The following LRP2 variants were observed in gnomAD, a reference collection of about 807,000 sequenced individuals.
LRP2 encodes the protein low-density lipoprotein receptor-related protein 2.
In LRP2, 172 loss-of-function variants were observed where a neutral mutation model predicts 531.0. That is an observed-to-expected ratio of 0.32 (90% CI 0.29 to 0.37). The LOEUF (loss-of-function observed/expected upper bound fraction) is 0.37. LRP2 is among the 10% of genes least tolerant of loss of function. The pLI is 1.00. For synonymous variants in LRP2, 1,992 were observed against 2,027.6 expected (o/e 0.98, Z 0.47); for missense variants, 5,167 against 5,868.3 (o/e 0.88, Z 3.90).
chr2:169,146,085 G>T (rs773811500), intron 69 of LRP2, among the ~76,000 whole-genome samples, 162 bp from the exon 70 acceptor site: 15 of 152,086 alleles, frequency 9.9e-5, no homozygotes, highest in Admixed American at 2.6e-4. Context: ...AGCTACATGG[G>T]ACTGTGAAAG....
Position 169,139,995 on chromosome 2 carries a change from G to T in LRP2, c.13200-385C>A, listed in dbSNP as rs112021349. ...TATCTTGCTCCATGTTAGAGTTTTC[G>T]CAACACAGTCATCTTCTTTCCGAAT... is the stretch of plus-strand genomic sequence containing the variant. On this transcript the variant is annotated intron_variant, in intron 72 of 78. Coordinates refer to ENST00000649046, the MANE Select transcript of LRP2 (RefSeq NM_004525.3). Among the ~76,000 whole-genome samples, 112 of 152,212 alleles carry T rather than the reference G, an allele frequency of 7.4e-4. 1 individual carries two copies. The highest frequency in any genetic ancestry group is 2.1e-3 in the African/African-American group (86 of 41,538).
At chr2:169,293,447 G>A (rs1031994162) in intron 6 of LRP2, among the ~76,000 whole-genome samples, 3 of 152,090 alleles carry the variant, frequency 2.0e-5, no homozygotes, top group African/African-American at 4.8e-5. Context: ...AGGCCGAGGC[G>A]GGCGGATCAC....
intron 2 of LRP2, among the ~76,000 whole-genome samples, chr2:169,320,380 C>G (rs183411743): frequency 1.0e-3 from 156 of 152,308 alleles, no homozygotes; most frequent in African/African-American, 3.5e-3. Flanking sequence ...ATGGACTCCT[C>G]TTTGACTTAC....
chr2:169,280,592 T>C (rs1191060130), intron 10 of LRP2, 73 bp from the exon 11 acceptor site: 1 of 1,426,140 alleles, frequency 7.0e-7, no homozygotes, highest in Non-Finnish European at 9.8e-7. Flanking sequence ...ACAAATGATA[T>C]GCTTTCTGCT....
chr2:169,185,390 T>C, intron 50 of LRP2, 113 bp downstream of exon 50: 1 of 980,568 alleles, frequency 1.0e-6, no homozygotes, highest in Non-Finnish European at 1.5e-6. Context: ...GCAGAAACAT[T>C]AAATGTATCT....
chr2:169,359,111 T>C (rs1686076717), intron 1 of LRP2, among the ~76,000 whole-genome samples: 1 of 152,162 alleles, frequency 6.6e-6, no homozygotes, highest in South Asian at 2.1e-4. Flanking sequence ...TTTTCTAGTT[T>C]ATTTTCACTG....
chr2:169,343,958 A>G (rs1685629667), intron 1 of LRP2, among the ~76,000 whole-genome samples: 1 of 152,222 alleles, frequency 6.6e-6, no homozygotes, highest in African/African-American at 2.4e-5. Flanking sequence ...ATAAATATTT[A>G]CTAACTCCTC....
rs200188333 is a variant in LRP2, at chr2:169,146,751, T to C, written c.12799A>G (p.Ile4267Val). 14 of 1,612,550 alleles carry C rather than the reference T, an allele frequency of 8.7e-6. No homozygotes were observed. The highest frequency in any genetic ancestry group is 1.2e-5 in the Non-Finnish European group (14 of 1,178,530). ...IKYDGTDRRV[I>V]AKEAMNPYSL... Reference sequence around the variant, plus strand: ...ACTAATTTCTAACCTTCCTTTGCAATGACTCTCCTATCAGTCCCATCATAT... The same window carrying C: ...ACTAATTTCTAACCTTCCTTTGCAACGACTCTCCTATCAGTCCCATCATAT... The change falls in exon 69 of 79, where the codon ATT becomes GTT. Residue 4267 changes from isoleucine to valine, a missense_variant. Physicochemically the swap from Ile to Val is conservative, Grantham distance 29. Transcript: ENST00000649046.
At chr2:169,357,839 A>G (rs1175014858) in intron 1 of LRP2, among the ~76,000 whole-genome samples, 1 of 152,214 alleles carries the variant, frequency 6.6e-6, no homozygotes, top group Non-Finnish European at 1.5e-5. Flanking sequence ...GAGAACATGA[A>G]CAATGATTAT....
Position 169,157,400 on chromosome 2 carries a change from G to A in LRP2, c.11990C>T (p.Thr3997Ile), listed in dbSNP as rs764315775. 3 of 1,613,318 alleles carry A rather than the reference G, an allele frequency of 1.9e-6. No homozygotes were observed. Among genetic ancestry groups the A allele is most frequent in the Non-Finnish European group, 2.5e-6 (3 of 1,179,558 alleles). ...ACAGGAGGTTCTGTCAAAAACATTG[G>A]TTTCGAACCCAGCTGTACAGGAGCA... ...FICSCTAGFE[T>I]NVFDRTSCLD... The change falls in exon 64 of 79, where the codon ACC becomes ATC. Residue 3997 changes from threonine (T) to isoleucine (I), a missense_variant. By Grantham distance (89) the Thr-to-Ile change is moderately conservative. Transcript: ENST00000649046.
chr2:169,327,048 G>A (rs538004025), intron 1 of LRP2, among the ~76,000 whole-genome samples: 7,101 of 150,654 alleles, frequency 0.047, 224 homozygotes, highest in Middle Eastern at 0.074. Flanking sequence ...AGTGAGGAGC[G>A]TCTCCGCCCG....
chr2:169,209,087 T>C (rs1366862183), intron 38 of LRP2, among the ~76,000 whole-genome samples: 1 of 152,218 alleles, frequency 6.6e-6, no homozygotes, highest in African/African-American at 2.4e-5. Flanking sequence ...TGCTGTTCCA[T>C]AGTTTATATT....
At chr2:169,360,384 C>T (rs902330499) in intron 1 of LRP2, among the ~76,000 whole-genome samples, 1 of 151,990 alleles carries the variant, frequency 6.6e-6, no homozygotes, top group Admixed American at 6.6e-5. Context: ...CAAAGCCTGC[C>T]ACATATATGT....
chr2:169,178,479 C>A (rs530689007), intron 52 of LRP2, among the ~76,000 whole-genome samples: 4 of 152,268 alleles, frequency 2.6e-5, no homozygotes, highest in African/African-American at 7.2e-5. Flanking sequence ...CATTAACATT[C>A]CGGAGGGGAC....
intron 3 of LRP2, among the ~76,000 whole-genome samples, chr2:169,312,162 C>G (rs1167856130): frequency 6.6e-6 from 1 of 151,944 alleles, no homozygotes; most frequent in Non-Finnish European, 1.5e-5. Context: ...ATCCAATTTG[C>G]CAGTCTGTGT....
In LRP2 at chr2:169,163,273, G is replaced by A. The variant is rs189273648; in HGVS notation, c.11759-673C>T. 4.6e-5 allele frequency among the ~76,000 whole-genome samples: 7 copies of A among 152,290 alleles called. No homozygotes were observed. In the East Asian group the frequency reaches 1.2e-3, roughly 25 times the overall value. ...AGAATGTTAGTAATGTGCATTGATT[G>A]CCATTCCTGAGTTTGGCAAGATAGT... On this transcript the variant is annotated intron_variant, in intron 62 of 78. Coordinates refer to ENST00000649046, the MANE Select transcript of LRP2 (RefSeq NM_004525.3).
intron 16 of LRP2, 44 bp from the exon 17 acceptor site, chr2:169,259,261 G>A (rs772518567): frequency 7.0e-7 from 1 of 1,424,392 alleles, no homozygotes; most frequent in Non-Finnish European, 9.7e-7. Context: ...AGTATATTTT[G>A]TAAGGCATCA....
chr2:169,128,270 C>A lies in LRP2; in HGVS notation c.*393G>T. On this transcript the variant is annotated 3_prime_UTR_variant, in exon 79 of 79. Coordinates refer to ENST00000649046, the MANE Select transcript of LRP2 (RefSeq NM_004525.3). ...ATTTTATAGGAAATATGAGTGGTGC[C>A]TCTTCTTTAGACACGGCTAAAGGTC... The A allele has an allele frequency of 5.6e-6, 1 of 179,758 alleles. No homozygotes were observed. The highest frequency in any genetic ancestry group is 1.2e-5 in the Non-Finnish European group (1 of 85,292). 11.1% of individuals were successfully genotyped at this position (179,758 alleles called of 1,614,324 possible).
rs765740531 is a variant in LRP2 at position 169,185,599 on chromosome 2, A to G, written c.9749T>C (p.Val3250Ala). 6 of 1,614,158 alleles carry G rather than the reference A, an allele frequency of 3.7e-6. No individual in the cohort carries two copies. The highest frequency in any genetic ancestry group is 5.1e-6 in the Non-Finnish European group (6 of 1,180,014). The change falls in exon 50 of 79, where the codon GTC becomes GCC. Residue 3250 changes from valine (V) to alanine (A), a missense_variant. By Grantham distance (64) the Val-to-Ala change is moderately conservative. Around this residue, in one of 6 missense-constraint regions of LRP2, gnomAD observed 1,129 missense variants for 1,362.7 expected, o/e 0.83. Coordinates refer to ENST00000649046, the MANE Select transcript of LRP2 (RefSeq NM_004525.3). Reference protein sequence around the residue: ...RLYWIDTQRQVIERMFLNKTN... With the variant: ...RLYWIDTQRQAIERMFLNKTN... ...CTTATTCAGAAACATTCTCTCAATG[A>G]CTTGCCTCTGTGTATCAATCCAATA...
Sources: allele counts gnomAD v4.1 joint callset (sites outside exome capture counted in the v4.1 genomes callset), GRCh38; gene constraint gnomAD v4.1.1; regional missense constraint gnomAD v4.1.1; transcripts MANE v1.5; gene names NCBI Gene and HGNC (gene_info 2026-07-23, HGNC 2026-07-21).